The following ERBB4 variants were observed in gnomAD, a reference collection of about 807,000 sequenced individuals.
ERBB4 encodes the protein receptor tyrosine-protein kinase erbB-4.
In ERBB4, 42 loss-of-function variants were observed where a neutral mutation model predicts 158.0. That is an observed-to-expected ratio of 0.27 (90% CI 0.21 to 0.34). ERBB4 has a LOEUF of 0.34. Ranked by LOEUF, ERBB4 falls within the 10% of genes least tolerant of loss-of-function variation. ERBB4 has a pLI of 1.00. For missense variants in ERBB4, 1,333 were observed against 1,624.1 expected (o/e 0.82, Z 3.08); for synonymous variants, 583 against 558.7 (o/e 1.04, Z -0.61).
chr2:211,812,450 G>C (rs1374095275), intron 3 of ERBB4, among the ~76,000 whole-genome samples: 2 of 152,182 alleles, frequency 1.3e-5, no homozygotes, highest in Non-Finnish European at 2.9e-5. Context: ...TGAGGTGTTA[G>C]TCGGCCCCTA....
chr2:211,979,450 C>A (rs2081728244), intron 2 of ERBB4, among the ~76,000 whole-genome samples: 1 of 152,126 alleles, frequency 6.6e-6, no homozygotes, highest in Non-Finnish European at 1.5e-5. Context: ...AAGAATGATT[C>A]TTCAACTCTC....
chr2:212,334,427 T>C (rs996796447), intron 1 of ERBB4, among the ~76,000 whole-genome samples: 3 of 152,064 alleles, frequency 2.0e-5, no homozygotes, highest in African/African-American at 7.2e-5. Context: ...TAATTAATTG[T>C]TGAATAAGTG....
At chr2:211,679,982 A>G (rs57470847) in intron 12 of ERBB4, among the ~76,000 whole-genome samples, 1,624 of 152,262 alleles carry the variant, frequency 0.011, 33 homozygotes, top group African/African-American at 0.037. Context: ...GCCAACCAAA[A>G]TATAAGTTTT....
At chr2:211,583,752 C>T (rs750472730) in intron 19 of ERBB4, among the ~76,000 whole-genome samples, 3 of 150,656 alleles carry the variant, frequency 2.0e-5, no homozygotes, top group Non-Finnish European at 4.4e-5. Flanking sequence ...ATCCAATTTA[C>T]GAATAAAGAA....
intron 20 of ERBB4, among the ~76,000 whole-genome samples, chr2:211,552,069 A>C (rs1328949202): frequency 1.3e-5 from 2 of 152,164 alleles, no homozygotes; most frequent in Non-Finnish European, 2.9e-5. Context: ...CCCTTCCACT[A>C]ACTCCCACTC....
chr2:211,523,311 T>C (rs537273579), intron 20 of ERBB4, among the ~76,000 whole-genome samples: 2 of 148,654 alleles, frequency 1.3e-5, no homozygotes, highest in South Asian at 2.3e-4. Flanking sequence ...CCACAGCAGC[T>C]GCTTAGAAAT....
intron 1 of ERBB4, among the ~76,000 whole-genome samples, chr2:212,483,900 C>T (rs1404443763): frequency 6.6e-6 from 1 of 152,118 alleles, no homozygotes; most frequent in Non-Finnish European, 1.5e-5. Flanking sequence ...CCACGCCCCT[C>T]TAATTTTTTT....
At chr2:211,484,629 T>C (rs143079049) in intron 20 of ERBB4, among the ~76,000 whole-genome samples, 65 of 152,308 alleles carry the variant, frequency 4.3e-4, no homozygotes, top group Middle Eastern at 6.8e-3. Flanking sequence ...AATTTCATAA[T>C]GACAAAAGTG....
chr2:211,755,074 A>AT (rs1436826938), intron 4 of ERBB4, among the ~76,000 whole-genome samples: 1 of 152,226 alleles, frequency 6.6e-6, no homozygotes, highest in Non-Finnish European at 1.5e-5. Context: ...TGACATTTCC[A>AT]TGTAGCTCGG....
chr2:211,963,819 G>T (rs1358832097), intron 2 of ERBB4, among the ~76,000 whole-genome samples: 5 of 151,964 alleles, frequency 3.3e-5, no homozygotes, highest in African/African-American at 1.2e-4. Context: ...TCCTTTATAG[G>T]CATAATTCTT....
chr2:211,758,404 A>T (rs2075333722), intron 4 of ERBB4, among the ~76,000 whole-genome samples: 1 of 152,136 alleles, frequency 6.6e-6, no homozygotes, highest in African/African-American at 2.4e-5. Flanking sequence ...AAAACATGAA[A>T]TTTTTCCTAA....
At chr2:211,616,079 C>G (rs2069376912) in intron 19 of ERBB4, among the ~76,000 whole-genome samples, 1 of 152,082 alleles carries the variant, frequency 6.6e-6, no homozygotes, top group Non-Finnish European at 1.5e-5. Flanking sequence ...AGATGACCCC[C>G]ACCCACCTTT....
At chr2:211,875,025 CAA>C (rs746636278) in intron 3 of ERBB4, among the ~76,000 whole-genome samples, 9 of 27,026 alleles carry the variant, frequency 3.3e-4, no homozygotes, top group African/African-American at 1.3e-3. Flanking sequence ...AATAGAAATG[CAA>C]AAAAAAAAAA....
intron 1 of ERBB4, among the ~76,000 whole-genome samples, chr2:212,304,210 C>T (rs1486323890): frequency 6.6e-6 from 1 of 151,424 alleles, no homozygotes; most frequent in Non-Finnish European, 1.5e-5. Context: ...TTCTGTACAA[C>T]CGGTGGTGGT....
rs71054202 is a variant in ERBB4 at position 212,374,021 on chromosome 2, CAT to C, written c.82+164426_82+164427del. Among the ~76,000 whole-genome samples, 594 of 77,166 alleles carry C rather than the reference CAT, an allele frequency of 7.7e-3. 5 individuals are homozygous for C. Among genetic ancestry groups the C allele is most frequent in the Non-Finnish European group, 0.013 (435 of 32,496 alleles). 50.6% of individuals were successfully genotyped at this position (77,166 alleles called of 152,430 possible). Reference sequence around the variant, plus strand: ...CCATATATATATATCCATATATATCCATATATATATATCCATATATATCCATA... The same window carrying C: ...CCATATATATATATCCATATATATCCATATATATATCCATATATATCCATA... On this transcript the variant is annotated intron_variant, in intron 1 of 27. Transcript: ENST00000342788.
At chr2:211,567,787 ATTTT>A (rs11350799) in intron 19 of ERBB4, among the ~76,000 whole-genome samples, 1 of 140,868 alleles carries the variant, frequency 7.1e-6, no homozygotes, top group African/African-American at 2.6e-5. Context: ...TGTAGCTTGC[ATTTT>A]TTTTTTTTTT....
intron 2 of ERBB4, 59 bp downstream of exon 2, chr2:212,124,693 G>A: frequency 6.3e-7 from 1 of 1,580,820 alleles, no homozygotes; most frequent in African/African-American, 1.3e-5. Context: ...AGGTCTGCCT[G>A]TATGCATCAT....
intron 1 of ERBB4, among the ~76,000 whole-genome samples, chr2:212,204,182 G>T (rs532077716): frequency 6.6e-6 from 1 of 152,108 alleles, no homozygotes; most frequent in East Asian, 1.9e-4. Flanking sequence ...GGAGCATTTT[G>T]CCCTCTACTT....
intron 1 of ERBB4, among the ~76,000 whole-genome samples, chr2:212,528,338 G>C (rs1238121467): frequency 6.6e-6 from 1 of 152,074 alleles, no homozygotes; most frequent in Non-Finnish European, 1.5e-5. Context: ...GAGCCAGCTG[G>C]CTCTCAGGAC....
Sources: allele counts gnomAD v4.1 joint callset (sites outside exome capture counted in the v4.1 genomes callset), GRCh38; gene constraint gnomAD v4.1.1; transcripts MANE v1.5; gene names NCBI Gene and HGNC (gene_info 2026-07-23, HGNC 2026-07-21).